Variants in SORL1 observed in about 807,000 individuals in gnomAD.
The protein encoded by SORL1 is sortilin related receptor 1.
In SORL1, 127 loss-of-function variants were observed where a neutral mutation model predicts 273.7. The ratio of observed to expected loss-of-function variants is 0.46; its 90% confidence interval spans 0.40 to 0.54. The LOEUF is 0.54. Ranked by LOEUF, SORL1 falls within the 20% of genes least tolerant of loss-of-function variation. The probability of loss-of-function intolerance (pLI) is 0.00; values close to 1 mark genes in which losing one functional copy is unlikely to be tolerated. For synonymous variants in SORL1, 1,031 were observed against 1,067.4 expected (o/e 0.97, Z 0.66); for missense variants, 2,494 against 2,846.1 (o/e 0.88, Z 2.81).
At chr11:121,476,251 G>A (rs146353485) in intron 2 of SORL1, among the ~76,000 whole-genome samples, 16 of 152,276 alleles carry the variant, frequency 1.1e-4, no homozygotes, top group African/African-American at 2.6e-4. Flanking sequence ...GTGCTACTTC[G>A]TCATTTTACC....
Position 121,612,828 on chromosome 11 carries a change from C to G in SORL1, c.5415C>G (p.His1805Gln). 3.7e-6 allele frequency: 6 copies of G among 1,609,494 alleles called. No individual in the cohort carries two copies. Among genetic ancestry groups the G allele is most frequent in the Non-Finnish European group, 5.1e-6 (6 of 1,175,856 alleles). ...ACTTCCGAGGAAGCATATTGTCACA[C>G]AAAGGTAACACTTTGGTGCTGGTCA... ...TLNFRGSILS[H>Q]KVGNLTAHTS... The change falls in exon 40 of 48, where the codon CAC (histidine) becomes CAG (glutamine). Residue 1805 changes from histidine to glutamine, a missense_variant. By Grantham distance (24) the His-to-Gln change is conservative (BLOSUM62 0). This residue lies in a region of SORL1 where 1,609 missense variants were observed against 1,816.4 expected (regional missense o/e 0.89). Coordinates refer to ENST00000260197, the MANE Select transcript of SORL1 (RefSeq NM_003105.6).
At position 121,588,022 on chromosome 11, in the gene SORL1, C is replaced by A. The variant is rs377292128; in HGVS notation, c.3817C>A (p.Pro1273Thr). Residue 1273 changes from proline to threonine, a missense_variant and splice_region_variant, in exon 28 of 48, where the codon CCC (proline) becomes ACC (threonine). Physicochemically the swap from Pro to Thr is conservative, Grantham distance 38. Transcript: ENST00000260197. The stretch of plus-strand genomic sequence containing the variant: ...TCCCTTCTCTGGATCCCTTACAGAG[C>A]CCCTCTGTACGCACTTCATGGACTT... The part of the protein sequence containing the change: ...SDGSDEQHCE[P>T]LCTHFMDFVC... 1.9e-6 allele frequency: 3 copies of A among 1,612,876 alleles called. No homozygotes were observed. Among genetic ancestry groups the A allele is most frequent in the Middle Eastern group, 1.7e-4 (1 of 6,056 alleles).
chr11:121,532,449 A>AT lies in SORL1; in HGVS notation c.1597-10dup. ...CTCCACAGCAGTGGTGTCACCATGG[A>AT]TTTTTCCTCTTCAGGCACTTCCTGG... On this transcript the variant is annotated splice_polypyrimidine_tract_variant and intron_variant, in intron 11 of 47. Coordinates refer to ENST00000260197, the MANE Select transcript of SORL1 (RefSeq NM_003105.6). 2 of 1,613,534 alleles carry AT rather than the reference A, an allele frequency of 1.2e-6. No individual in the cohort carries two copies. Among genetic ancestry groups the AT allele is most frequent in the Non-Finnish European group, 1.7e-6 (2 of 1,179,640 alleles).
At chr11:121,573,431 G>A (rs943610137) in intron 23 of SORL1, among the ~76,000 whole-genome samples, 2 of 152,084 alleles carry the variant, frequency 1.3e-5, no homozygotes, top group African/African-American at 2.4e-5. Flanking sequence ...GGCCAACATG[G>A]CAAAACCCCA....
At chr11:121,465,635 C>A (rs536227776) in intron 1 of SORL1, among the ~76,000 whole-genome samples, 14 of 152,138 alleles carry the variant, frequency 9.2e-5, no homozygotes, top group African/African-American at 3.4e-4. Flanking sequence ...TCAAGCAATT[C>A]TCCTGCCTCA....
intron 30 of SORL1, 36 bp downstream of exon 30, chr11:121,590,210 C>T (rs748525661): frequency 3.4e-5 from 55 of 1,601,712 alleles, no homozygotes; most frequent in Non-Finnish European, 4.6e-5. Context: ...AGCCCCATAA[C>T]CAAGACACAC....
intron 6 of SORL1, 46 bp from the exon 7 acceptor site, chr11:121,512,957 C>A (rs756653408): frequency 2.3e-6 from 3 of 1,289,954 alleles, no homozygotes; most frequent in Non-Finnish European, 3.4e-6. Context: ...TTTTGAATGA[C>A]TGTAATGTGG....
At chr11:121,462,978 G>A (rs557981131) in intron 1 of SORL1, among the ~76,000 whole-genome samples, 127 of 152,284 alleles carry the variant, frequency 8.3e-4, no homozygotes, top group African/African-American at 3.0e-3. Flanking sequence ...GCTGCAGAGG[G>A]CAAGTCTGTG....
At position 121,590,184 on chromosome 11, in the gene SORL1, C is replaced by T. The variant is rs902020116; in HGVS notation, c.4213+10C>T. 6.2e-7 allele frequency: 1 copy of T among 1,613,630 alleles called. No individual in the cohort carries two copies. The highest frequency in any genetic ancestry group is 8.5e-7 in the Non-Finnish European group (1 of 1,179,694). On this transcript the variant is annotated intron_variant, in intron 30 of 47. Transcript: ENST00000260197. ...GAGAAGGATTGTGGAGGTAAGAGGCCCCTGGGGCCTGGGTTAGCCCCATAA... is the reference window on the plus strand; with the variant it reads ...GAGAAGGATTGTGGAGGTAAGAGGCTCCTGGGGCCTGGGTTAGCCCCATAA...
chr11:121,540,951 G>C (rs150370636), intron 12 of SORL1, among the ~76,000 whole-genome samples: 5 of 152,352 alleles, frequency 3.3e-5, no homozygotes, highest in Admixed American at 6.5e-5. Flanking sequence ...GGTTGACTCT[G>C]TTGGTTCAGT....
chr11:121,466,617 C>A lies in SORL1; in HGVS notation c.286-3390C>A, dbSNP rs562665218. Reference sequence around the variant, plus strand: ...ACAGGTGAGGCCAGAGGGTAGAATGCATGTCTTGATAATAAAATTTACTTC... The same window carrying A: ...ACAGGTGAGGCCAGAGGGTAGAATGAATGTCTTGATAATAAAATTTACTTC... On this transcript the variant is annotated intron_variant, in intron 1 of 47. Transcript: ENST00000260197. Among the ~76,000 whole-genome samples, 6 of 152,256 alleles carry A rather than the reference C, an allele frequency of 3.9e-5. No homozygotes were observed. The South Asian group carries it at 1.0e-3, about 26-fold the overall frequency.
intron 35 of SORL1, among the ~76,000 whole-genome samples, chr11:121,606,593 G>A (rs1247560946): frequency 6.6e-6 from 1 of 152,190 alleles, no homozygotes; most frequent in Non-Finnish European, 1.5e-5. Context: ...ATTCTATCCT[G>A]CAGCCCTTAT....
chr11:121,517,579 C>T (rs988636591), intron 8 of SORL1, among the ~76,000 whole-genome samples: 4 of 152,226 alleles, frequency 2.6e-5, no homozygotes, highest in Non-Finnish European at 5.9e-5. Flanking sequence ...AATATTTTCT[C>T]GTCTTCCTCA....
chr11:121,502,124 C>CTTTTT lies in SORL1; in HGVS notation c.939+5100_939+5104dup, dbSNP rs57842880. On this transcript the variant is annotated intron_variant, in intron 6 of 47. Coordinates refer to ENST00000260197, the MANE Select transcript of SORL1 (RefSeq NM_003105.6). ...GTAACTACTGGGTCATGTGACAATT[C>CTTTTT]TTTTTTTTTTTTTTTTTTTTTTTTT... is the stretch of plus-strand genomic sequence containing the variant. 2.4e-3 allele frequency among the ~76,000 whole-genome samples: 156 copies of CTTTTT among 65,180 alleles called. 35 individuals are homozygous for CTTTTT. Among genetic ancestry groups the CTTTTT allele is most frequent in the African/African-American group, 4.6e-3 (87 of 18,856 alleles). The allele number at this position is 65,180 out of a possible 152,430, so 42.8% of individuals were successfully genotyped here.
intron 3 of SORL1, among the ~76,000 whole-genome samples, chr11:121,484,361 C>T (rs1252527794): frequency 6.6e-6 from 1 of 152,162 alleles, no homozygotes; most frequent in Non-Finnish European, 1.5e-5. Context: ...GAAGAAGACC[C>T]ATTGCCTGCC....
rs1387277573 is a variant in SORL1 at position 121,611,128 on chromosome 11, C to T, written c.5292C>T (p.Ser1764=). 1.2e-6 allele frequency: 2 copies of T among 1,612,796 alleles called. No homozygotes were observed. Among genetic ancestry groups the T allele is most frequent in the African/African-American group, 2.7e-5 (2 of 74,886 alleles). Residue 1764 remains serine, a synonymous_variant, in exon 39 of 48, where the codon AGC becomes AGT. Transcript: ENST00000260197. ...ACAGCTATGGTGAAAATTATCTAAGCTTCACCCTGACCATGGAGAGTGATA... is the reference window on the plus strand; with the variant it reads ...ACAGCTATGGTGAAAATTATCTAAGTTTCACCCTGACCATGGAGAGTGATA... ...HIDSYGENYL[S]FTLTMESDIK... is the part of the protein sequence containing the mutation.
chr11:121,498,297 A>G (rs1012785188), intron 6 of SORL1, among the ~76,000 whole-genome samples: 3 of 152,206 alleles, frequency 2.0e-5, no homozygotes, highest in African/African-American at 4.8e-5. Context: ...ACACACAGAT[A>G]AGAAATCAGG....
intron 11 of SORL1, among the ~76,000 whole-genome samples, chr11:121,531,449 CT>C (rs1468358873): frequency 6.6e-6 from 1 of 152,072 alleles, no homozygotes; most frequent in Non-Finnish European, 1.5e-5. Flanking sequence ...GGATTGGCAC[CT>C]TTTGACTATC....
intron 12 of SORL1, among the ~76,000 whole-genome samples, chr11:121,535,984 G>A (rs1365571368): frequency 2.0e-5 from 3 of 152,220 alleles, no homozygotes; most frequent in Non-Finnish European, 4.4e-5. Flanking sequence ...CGTCAGAGAA[G>A]GGGCTGTTGC....
Sources: allele counts gnomAD v4.1 joint callset (sites outside exome capture counted in the v4.1 genomes callset), GRCh38; gene constraint gnomAD v4.1.1; regional missense constraint gnomAD v4.1.1; transcripts MANE v1.5; gene names NCBI Gene and HGNC (gene_info 2026-07-23, HGNC 2026-07-21).